The following KLF8 variants were observed in gnomAD, a reference collection of about 807,000 sequenced individuals.
The protein encoded by KLF8 is KLF transcription factor 8, also known as Krueppel-like factor 8.
A neutral mutation model predicts 18.2 loss-of-function variants in KLF8; 10 were observed. The ratio of observed to expected loss-of-function variants is 0.55; its 90% confidence interval spans 0.34 to 0.93. The LOEUF is 0.93. Ranked by LOEUF, KLF8 falls within the 40% of genes least tolerant of loss-of-function variation. The pLI, the probability that KLF8 is intolerant of heterozygous loss-of-function variation, is 0.02. For synonymous variants in KLF8, 109 were observed against 97.3 expected, an observed-to-expected ratio of 1.12 and a Z score of -0.71; for missense variants, 264 against 277.9, an observed-to-expected ratio of 0.95 and a Z score of 0.36.
At chrX:56,029,493 C>T in the KLF8 span, among the ~76,000 whole-genome samples, 1 of 110,803 alleles carries the variant, frequency 9.0e-6, no homozygotes, top group East Asian at 2.8e-4. Context: ...GATAAGGGGG[C>T]CACTGGGGTG....
chrX:56,080,720 C>G, the KLF8 span, among the ~76,000 whole-genome samples: 2 of 111,663 alleles, frequency 1.8e-5, no homozygotes, highest in South Asian at 3.8e-4. Context: ...GGGAAATTCT[C>G]CTGGATAATA....
the KLF8 span, among the ~76,000 whole-genome samples, chrX:56,088,114 G>T: frequency 1.8e-5 from 2 of 111,243 alleles, no homozygotes; most frequent in Non-Finnish European, 3.8e-5. Context: ...ATGGAAATAT[G>T]GTCTTTTTTG....
At chrX:56,173,032 T>C in the KLF8 span, among the ~76,000 whole-genome samples, 2 of 111,731 alleles carry the variant, frequency 1.8e-5, no homozygotes, top group East Asian at 5.6e-4. Context: ...GCAAAAATTT[T>C]CTCCCATTCT....
the KLF8 span, among the ~76,000 whole-genome samples, chrX:55,973,740 G>C: frequency 3.1e-4 from 35 of 112,287 alleles, no homozygotes; most frequent in Non-Finnish European, 5.6e-4. Flanking sequence ...TACACTGTTG[G>C]TGGAAGTGTA....
the KLF8 span, among the ~76,000 whole-genome samples, chrX:56,077,340 A>C: frequency 8.9e-6 from 1 of 112,129 alleles, no homozygotes; most frequent in East Asian, 2.8e-4. Flanking sequence ...GAAGGGATCC[A>C]GTTTCAGCTT....
chrX:56,111,991 CA>C, the KLF8 span, among the ~76,000 whole-genome samples: 1 of 111,506 alleles, frequency 9.0e-6, no homozygotes, highest in Non-Finnish European at 1.9e-5. Context: ...GGTATATACC[CA>C]AAGGGTTATA....
chrX:56,074,986 G>GTA, the KLF8 span, among the ~76,000 whole-genome samples: 6 of 110,113 alleles, frequency 5.4e-5, no homozygotes, highest in East Asian at 1.1e-3. Flanking sequence ...TTTAGTAGGT[G>GTA]TATATATATA....
At chrX:56,089,240 G>T in the KLF8 span, among the ~76,000 whole-genome samples, 1 of 111,281 alleles carries the variant, frequency 9.0e-6, no homozygotes, top group Non-Finnish European at 1.9e-5. Flanking sequence ...GAATTTACGG[G>T]AAAGAAAGGC....
At chrX:56,048,810 C>T in the KLF8 span, among the ~76,000 whole-genome samples, 3 of 111,695 alleles carry the variant, frequency 2.7e-5, no homozygotes, top group South Asian at 7.6e-4. Flanking sequence ...TGAAGAAAGT[C>T]ATTGGTAGCT....
At chrX:56,189,636 A>G in the KLF8 span, among the ~76,000 whole-genome samples, 6 of 110,980 alleles carry the variant, frequency 5.4e-5, no homozygotes, top group Non-Finnish European at 1.1e-4. Context: ...TCCAACAACA[A>G]TAGACTGGAT....
chrX:56,015,823 G>T, the KLF8 span, among the ~76,000 whole-genome samples: 2 of 111,425 alleles, frequency 1.8e-5, no homozygotes, highest in East Asian at 2.8e-4. Context: ...ACAGGATTTT[G>T]TTTGCGGGAA....
At chrX:56,157,412 G>A in the KLF8 span, among the ~76,000 whole-genome samples, 4 of 110,406 alleles carry the variant, frequency 3.6e-5, no homozygotes, top group Admixed American at 2.9e-4. Flanking sequence ...AAAAGATATG[G>A]GATGGCTGGG....
chrX:56,097,750 A>G, the KLF8 span, among the ~76,000 whole-genome samples: 84 of 94,495 alleles, frequency 8.9e-4, 1 homozygote, highest in Non-Finnish European at 1.6e-3. Context: ...TCCCATCTCA[A>G]TCACTCTTAA....
At chrX:55,938,211 G>T in the KLF8 span, among the ~76,000 whole-genome samples, 2 of 111,902 alleles carry the variant, frequency 1.8e-5, no homozygotes, top group Non-Finnish European at 3.8e-5. Flanking sequence ...GAGATGGGGT[G>T]CCAATATTCA....
At chrX:56,134,715 C>A in the KLF8 span, among the ~76,000 whole-genome samples, 1,386 of 110,742 alleles carry the variant, frequency 0.013, 27 homozygotes, top group African/African-American at 0.044. Flanking sequence ...ATTAAACAGA[C>A]AAACTACAGA....
At chrX:56,021,737 G>A in the KLF8 span, among the ~76,000 whole-genome samples, 1 of 110,859 alleles carries the variant, frequency 9.0e-6, no homozygotes, top group Non-Finnish European at 1.9e-5. Flanking sequence ...CTACTAGTAA[G>A]TACTGCTAGT....
the KLF8 span, among the ~76,000 whole-genome samples, chrX:56,132,763 G>C: frequency 1.8e-5 from 2 of 111,430 alleles, no homozygotes; most frequent in African/African-American, 6.5e-5. Context: ...CTGATAGACT[G>C]TTAGGAGGGT....
chrX:56,243,151 C>CG (rs912966099), intron 1 of KLF8: 5 of 516,862 alleles, frequency 9.7e-6, no homozygotes, highest in Non-Finnish European at 1.8e-5. Flanking sequence ...TCTTCATGGC[C>CG]GACACAGTGG....
chrX:56,051,887 C>A, the KLF8 span, among the ~76,000 whole-genome samples: 1 of 109,390 alleles, frequency 9.1e-6, no homozygotes, highest in Non-Finnish European at 1.9e-5. Context: ...TCCATTCTCC[C>A]CATCACTTTC....
Sources: allele counts gnomAD v4.1 joint callset (sites outside exome capture counted in the v4.1 genomes callset), GRCh38; gene constraint gnomAD v4.1.1; transcripts MANE v1.5; gene names NCBI Gene and HGNC (gene_info 2026-07-23, HGNC 2026-07-21).